CCDC93: variants seen among roughly 807,000 people sequenced by gnomAD.
CCDC93 encodes the protein CCC complex scaffolding subunit CCDC93.
In CCDC93, 61 loss-of-function variants were observed where a neutral mutation model predicts 108.2. The observed-to-expected ratio is 0.56, with a 90% CI of 0.46 to 0.70. The LOEUF is 0.70. Ranked by LOEUF, CCDC93 falls within the 30% of genes least tolerant of loss-of-function variation. CCDC93 has a pLI of 0.00. For synonymous variants in CCDC93, 276 were observed against 260.4 expected (o/e 1.06, Z -0.58); for missense variants, 685 against 764.2 (o/e 0.90, Z 1.22).
At position 117,927,050 on chromosome 2, in the gene CCDC93, C is replaced by A. The variant is rs899842933; in HGVS notation, c.1842+3987G>T. The stretch of plus-strand genomic sequence containing the variant: ...ATTATCTCAATAGATGCAGAAAAGG[C>A]CTTTGACAAAACTCAACAACACTTC... On this transcript the variant is annotated intron_variant, in intron 23 of 23. Coordinates refer to ENST00000376300, the MANE Select transcript of CCDC93 (RefSeq NM_019044.5). Among the ~76,000 whole-genome samples the A allele has an allele frequency of 2.0e-4, 30 of 152,162 alleles. 1 individual carries two copies. The highest frequency in any genetic ancestry group is 3.3e-4 in the Admixed American group (5 of 15,286).
chr2:117,969,557 C>T (rs960225725), intron 11 of CCDC93, among the ~76,000 whole-genome samples: 1 of 152,308 alleles, frequency 6.6e-6, no homozygotes, highest in Admixed American at 6.5e-5. Flanking sequence ...AAAAGCAGCC[C>T]CTGACGTCTG....
intron 7 of CCDC93, among the ~76,000 whole-genome samples, chr2:117,984,248 T>G (rs888814476): frequency 6.6e-6 from 1 of 152,084 alleles, no homozygotes; most frequent in Non-Finnish European, 1.5e-5. Context: ...CTTCAGGAAA[T>G]GCCCACCCTA....
At position 117,928,726 on chromosome 2, in the gene CCDC93, G is replaced by C. The variant is rs552412249; in HGVS notation, c.1842+2311C>G. Among the ~76,000 whole-genome samples, 7 of 152,262 alleles carry C rather than the reference G, an allele frequency of 4.6e-5. No homozygotes were observed. The East Asian group carries it at 9.6e-4, about 21-fold the overall frequency. Reference sequence around the variant, plus strand: ...GCGATTCCTCAGGCATCTAGAACTAGAAATACCATTTGACCCAGCCATCCC... The same window carrying C: ...GCGATTCCTCAGGCATCTAGAACTACAAATACCATTTGACCCAGCCATCCC... On this transcript the variant is annotated intron_variant, in intron 23 of 23. Transcript: ENST00000376300.
At chr2:117,974,055 ATCTGAACACTCTATTATG>A (rs893914742) in intron 10 of CCDC93, 61 bp from the exon 11 acceptor site, 56 of 1,014,118 alleles carry the variant, frequency 5.5e-5, no homozygotes, top group Admixed American at 1.2e-4. Context: ...GCACTGGAAA[ATCTGAACACTCTATTATG>A]TCTGAACACT....
chr2:117,963,808 A>C (rs1679468701), intron 11 of CCDC93, among the ~76,000 whole-genome samples: 1 of 152,132 alleles, frequency 6.6e-6, no homozygotes, highest in Admixed American at 6.5e-5. Context: ...CAGTTTTTTC[A>C]TTTTTCTTAA....
rs150466017 is a variant in CCDC93 at position 117,962,625 on chromosome 2, A to C, written c.889-4144T>G. Among the ~76,000 whole-genome samples, 849 of 152,346 alleles carry C rather than the reference A, an allele frequency of 5.6e-3. 8 individuals are homozygous for C. The highest frequency in any genetic ancestry group is 0.019 in the African/African-American group (811 of 41,592). ...ACCACTACACTCCAGCCTGGGCGGC[A>C]GAGTGGGACTCTGCCTCAAATAAAT... On this transcript the variant is annotated intron_variant, in intron 11 of 23. Coordinates refer to ENST00000376300, the MANE Select transcript of CCDC93 (RefSeq NM_019044.5).
At chr2:117,992,485 C>A (rs1680503540) in intron 6 of CCDC93, among the ~76,000 whole-genome samples, 1 of 152,160 alleles carries the variant, frequency 6.6e-6, no homozygotes, top group Non-Finnish European at 1.5e-5. Context: ...CTCAAGCGAT[C>A]TGCCCACCTC....
At position 118,011,752 on chromosome 2, in the gene CCDC93, GC is replaced by G. The variant is rs374191718; in HGVS notation, c.42+2201del. On this transcript the variant is annotated intron_variant, in intron 1 of 23. Transcript: ENST00000376300. ...CTGGCCACCCCACCACAGATGCAGGGCCCAGGCTTCCATCCACTCACCCCTA... is the reference window on the plus strand; with the variant it reads ...CTGGCCACCCCACCACAGATGCAGGGCCAGGCTTCCATCCACTCACCCCTA... Among the ~76,000 whole-genome samples, 477 of 152,258 alleles carry G rather than the reference GC, an allele frequency of 3.1e-3. 5 individuals are homozygous for G. The highest frequency in any genetic ancestry group is 0.011 in the African/African-American group (456 of 41,538).
rs115909885 is a variant in CCDC93 at position 117,979,909 on chromosome 2, C to T, written c.621-1879G>A. ...ACGTTCCACCAATCAGATGCATTTG[C>T]TAGAGTTTTCAATATGGAACAGTTA... On this transcript the variant is annotated intron_variant, in intron 7 of 23. Transcript: ENST00000376300. 4.0e-3 allele frequency among the ~76,000 whole-genome samples: 613 copies of T among 152,246 alleles called. 4 individuals are homozygous for T. The highest frequency in any genetic ancestry group is 0.014 in the African/African-American group (582 of 41,526).
At position 117,971,837 on chromosome 2, in the gene CCDC93, T is replaced by C. The variant is rs549333354; in HGVS notation, c.888+2071A>G. On this transcript the variant is annotated intron_variant, in intron 11 of 23. Coordinates refer to ENST00000376300, the MANE Select transcript of CCDC93 (RefSeq NM_019044.5). ...AAATAATATGCAAATGTGAAATAAC[T>C]GCAATATGGGAATAGGATTAAAGGC... 8.5e-5 allele frequency among the ~76,000 whole-genome samples: 13 copies of C among 152,352 alleles called. No homozygotes were observed. The East Asian group carries it at 2.5e-3, about 29-fold the overall frequency.
At chr2:117,950,205 A>G in intron 13 of CCDC93, 1 of 985,382 alleles carries the variant, frequency 1.0e-6, no homozygotes, top group Non-Finnish European at 1.2e-6. Flanking sequence ...TTTTAAAATT[A>G]AAGATGAACA....
In CCDC93 at chr2:117,969,941, C is replaced by A. The variant is rs552403412; in HGVS notation, c.888+3967G>T. On this transcript the variant is annotated intron_variant, in intron 11 of 23. Coordinates refer to ENST00000376300, the MANE Select transcript of CCDC93 (RefSeq NM_019044.5). ...CAAGTCACCTTACATAAGTCCAAATCCTATACTAAGTCCTTTCTGACACAT... is the reference window on the plus strand; with the variant it reads ...CAAGTCACCTTACATAAGTCCAAATACTATACTAAGTCCTTTCTGACACAT... Among the ~76,000 whole-genome samples the A allele has an allele frequency of 1.2e-3, 182 of 152,262 alleles. 1 individual carries two copies. Among genetic ancestry groups the A allele is most frequent in the African/African-American group, 4.2e-3 (173 of 41,558 alleles).
intron 11 of CCDC93, among the ~76,000 whole-genome samples, chr2:117,968,294 T>C (rs1679654013): frequency 6.6e-6 from 1 of 152,220 alleles, no homozygotes; most frequent in Non-Finnish European, 1.5e-5. Context: ...AAATATATTT[T>C]GGACAGTCAG....
intron 13 of CCDC93, chr2:117,950,342 G>C: frequency 1.0e-6 from 1 of 985,302 alleles, no homozygotes; most frequent in Middle Eastern, 5.2e-4. Flanking sequence ...AATGTACTTA[G>C]ACATAAAAGA....
intron 12 of CCDC93, 53 bp from the exon 13 acceptor site, chr2:117,952,488 C>G (rs1048636784): frequency 2.4e-6 from 3 of 1,255,538 alleles, no homozygotes; most frequent in Non-Finnish European, 3.5e-6. Flanking sequence ...TATGACAACA[C>G]AGATGTGAAT....
At chr2:117,961,139 T>C (rs1679378569) in intron 11 of CCDC93, among the ~76,000 whole-genome samples, 1 of 152,032 alleles carries the variant, frequency 6.6e-6, no homozygotes, top group Non-Finnish European at 1.5e-5. Flanking sequence ...TGGCCAGCCA[T>C]CGTTTATGTA....
chr2:117,927,256 G>T (rs1331482741), intron 23 of CCDC93, among the ~76,000 whole-genome samples: 2 of 152,086 alleles, frequency 1.3e-5, no homozygotes, highest in Admixed American at 6.5e-5. Context: ...CATAGTGTTG[G>T]AAGTTCTGGT....
intron 11 of CCDC93, among the ~76,000 whole-genome samples, chr2:117,972,590 G>A (rs1386790502): frequency 6.6e-6 from 1 of 150,556 alleles, no homozygotes; most frequent in Non-Finnish European, 1.5e-5. Context: ...ACAGCAGTGG[G>A]TGCTCTATCC....
chr2:117,923,963 C>A (rs1354531024), intron 23 of CCDC93, among the ~76,000 whole-genome samples: 1 of 152,200 alleles, frequency 6.6e-6, no homozygotes, highest in Non-Finnish European at 1.5e-5. Context: ...ACAACATTTG[C>A]TGTTCACCAA....
Sources: allele counts gnomAD v4.1 joint callset (sites outside exome capture counted in the v4.1 genomes callset), GRCh38; gene constraint gnomAD v4.1.1; transcripts MANE v1.5; gene names NCBI Gene and HGNC (gene_info 2026-07-23, HGNC 2026-07-21).